DBX2: variants seen among roughly 807,000 people sequenced by gnomAD.
The protein encoded by DBX2 is developing brain homeobox 2, also known as homeobox protein DBX2.
In DBX2, 16 loss-of-function variants were observed where a neutral mutation model predicts 17.7. That is an observed-to-expected ratio of 0.90 (90% CI 0.61 to 1.37). The LOEUF (loss-of-function observed/expected upper bound fraction) is 1.37, where lower values mean the gene tolerates loss of function less well. Among genes scored for constraint, DBX2 ranks in the 40% most tolerant of loss-of-function variants. The pLI, the probability that DBX2 is intolerant of heterozygous loss-of-function variation, is 0.00. For synonymous variants in DBX2, 255 were observed against 183.8 expected, an observed-to-expected ratio of 1.39 and a Z score of -3.13; for missense variants, 538 against 433.8, an observed-to-expected ratio of 1.24 and a Z score of -2.13.
chr12:45,031,191 A>AGTGT (rs113442613), intron 2 of DBX2, among the ~76,000 whole-genome samples: 1,035 of 99,276 alleles, frequency 0.01, 12 homozygotes, highest in African/African-American at 0.033. Context: ...CTTATTTTCA[A>AGTGT]GTGTGTGTGT....
At chr12:45,045,879 A>T (rs1592760271) in intron 1 of DBX2, among the ~76,000 whole-genome samples, 1 of 152,208 alleles carries the variant, frequency 6.6e-6, no homozygotes, top group Non-Finnish European at 1.5e-5. Flanking sequence ...GTTTAATTCT[A>T]TGTAAGTCCA....
chr12:45,049,963 A>T (rs1178076919), intron 1 of DBX2, among the ~76,000 whole-genome samples: 1 of 152,166 alleles, frequency 6.6e-6, no homozygotes, highest in African/African-American at 2.4e-5. Flanking sequence ...GCCTAAAGTG[A>T]TCCAAAATTT....
At chr12:45,027,401 T>C (rs115014292) in intron 2 of DBX2, among the ~76,000 whole-genome samples, 1,571 of 152,318 alleles carry the variant, frequency 0.01, 22 homozygotes, top group African/African-American at 0.036. Flanking sequence ...AATTAGTGGC[T>C]CTTTCCTCTG....
At chr12:45,031,223 T>TGAGAGAGAGAGAGA (rs1468770718) in intron 2 of DBX2, among the ~76,000 whole-genome samples, 16 of 44,228 alleles carry the variant, frequency 3.6e-4, no homozygotes, top group Non-Finnish European at 7.3e-4. Context: ...TGTGTGTGTG[T>TGAGAGAGAGAGAGA]GTGAGAGAGA....
At chr12:45,018,236 T>C (rs1946333645) in intron 3 of DBX2, among the ~76,000 whole-genome samples, 3 of 152,200 alleles carry the variant, frequency 2.0e-5, no homozygotes, top group Non-Finnish European at 1.5e-5. Context: ...AGACAGTTTT[T>C]TGTTTTCATT....
intron 1 of DBX2, among the ~76,000 whole-genome samples, chr12:45,045,651 T>A (rs1946495683): frequency 6.6e-6 from 1 of 152,214 alleles, no homozygotes; most frequent in Non-Finnish European, 1.5e-5. Flanking sequence ...GGTTCCAATA[T>A]CTGAACCACA....
chr12:45,039,276 GGTATAT>G (rs1395207305), intron 1 of DBX2, among the ~76,000 whole-genome samples: 9 of 66,420 alleles, frequency 1.4e-4, no homozygotes, highest in African/African-American at 5.8e-4. Flanking sequence ...CTGCATTGAA[GGTATAT>G]ATATATATAT....
chr12:45,043,108 C>T (rs746669538), intron 1 of DBX2, among the ~76,000 whole-genome samples: 2 of 152,206 alleles, frequency 1.3e-5, no homozygotes, highest in African/African-American at 2.4e-5. Context: ...CATTGGTCTA[C>T]TCCAGCAGAA....
In DBX2 at chr12:45,044,865, A is replaced by G. The variant is rs75497576; in HGVS notation, c.403+5660T>C. Among the ~76,000 whole-genome samples the G allele has an allele frequency of 2.0e-3, 302 of 152,258 alleles. 2 individuals are homozygous for G. The highest frequency in any genetic ancestry group is 6.8e-3 in the Middle Eastern group (2 of 294). On this transcript the variant is annotated intron_variant, in intron 1 of 3. Transcript: ENST00000332700. ...AGCTATGGTAACTTTATATAGAGTG[A>G]TGGATCACTCAGCATTGCCAAGTTA... is the stretch of plus-strand genomic sequence containing the variant.
At chr12:45,049,963 A>C (rs1178076919) in intron 1 of DBX2, among the ~76,000 whole-genome samples, 1 of 152,048 alleles carries the variant, frequency 6.6e-6, no homozygotes, top group African/African-American at 2.4e-5. Context: ...GCCTAAAGTG[A>C]TCCAAAATTT....
At chr12:45,046,222 G>A (rs1410868804) in intron 1 of DBX2, among the ~76,000 whole-genome samples, 4 of 152,162 alleles carry the variant, frequency 2.6e-5, no homozygotes, top group African/African-American at 7.2e-5. Context: ...GATTACTCAT[G>A]AACTAGGTAA....
chr12:45,050,784 GC>G lies in DBX2; in HGVS notation c.143del (p.Gly48AlafsTer36). On this transcript the variant is annotated frameshift_variant, in exon 1 of 4. Transcript: ENST00000332700. LOFTEE classifies it high-confidence loss of function. ...GCGGCTGCAGCCTGGGCGTTGGGGC[GC>G]CCCCGACCCGCAGCAAATTCTCGAT... is the stretch of plus-strand genomic sequence containing the variant. ...FLIENLLRVG[G>X]APTPRLQPPA... 5.3e-6 allele frequency: 8 copies of G among 1,519,712 alleles called. No individual in the cohort carries two copies. Among genetic ancestry groups the G allele is most frequent in the East Asian group, 2.7e-5 (1 of 36,966 alleles). 94.1% of individuals were successfully genotyped at this position (1,519,712 alleles called of 1,614,324 possible).
At position 45,036,091 on chromosome 12, in the gene DBX2, T is replaced by G. The variant is rs756176101; in HGVS notation, c.427A>C (p.Ser143Arg). ...CACGCCGAGTAGAATGGCGGGGTGC[T>G]CAGAAGGAAAGGTTTGGAAGGTGCT... ...APAPSKPFLLSTPPFYSACCG... is the reference protein window; with the variant it reads ...APAPSKPFLLRTPPFYSACCG... The change falls in exon 2 of 4, where the codon AGC becomes CGC. Residue 143 changes from serine to arginine, a missense_variant. Physicochemically the swap from Ser to Arg is moderately radical, Grantham distance 110 (BLOSUM62 -1). Coordinates refer to ENST00000332700, the MANE Select transcript of DBX2 (RefSeq NM_001004329.3). 6 of 1,613,058 alleles carry G rather than the reference T, an allele frequency of 3.7e-6. No individual in the cohort carries two copies. In the African/African-American group the frequency reaches 8.0e-5, roughly 22 times the overall value.
chr12:45,037,483 C>T (rs1335627316), intron 1 of DBX2, among the ~76,000 whole-genome samples: 18 of 152,104 alleles, frequency 1.2e-4, no homozygotes, highest in Admixed American at 1.2e-3. Flanking sequence ...CCTGACCCAT[C>T]CTAAAACATG....
chr12:45,016,460 G>A lies in DBX2; in HGVS notation c.846C>T (p.Val282=), dbSNP rs757912540. ...ATCTTGGACTTGAGTGCTGTTGGGG[G>A]ACGTCCCATATTGAAGGACATGGAG... ...FPSPCPSIWD[V]PQQHSSPRWR... is the part of the protein sequence containing the mutation. The change falls in exon 4 of 4, where the codon GTC becomes GTT. Residue 282 remains valine, a synonymous_variant. Coordinates refer to ENST00000332700, the MANE Select transcript of DBX2 (RefSeq NM_001004329.3). 2 of 1,613,826 alleles carry A rather than the reference G, an allele frequency of 1.2e-6. No individual in the cohort carries two copies. The highest frequency in any genetic ancestry group is 2.7e-5 in the African/African-American group (2 of 74,892).
chr12:45,032,922 T>C (rs891815087), intron 2 of DBX2, among the ~76,000 whole-genome samples: 1 of 152,226 alleles, frequency 6.6e-6, no homozygotes, highest in Non-Finnish European at 1.5e-5. Context: ...AACTTTCCAT[T>C]TCATGTTATT....
intron 2 of DBX2, among the ~76,000 whole-genome samples, chr12:45,027,562 G>A (rs149909029): frequency 0.014 from 2,090 of 152,220 alleles, 23 homozygotes; most frequent in South Asian, 0.028. Context: ...TTAAAGATGA[G>A]GACGATGAAG....
At position 45,039,277 on chromosome 12, in the gene DBX2, GTATATATATATATATATATATATATA is replaced by G. The variant is rs58371508; in HGVS notation, c.404-3189_404-3164del. Among the ~76,000 whole-genome samples, 91 of 90,288 alleles carry G rather than the reference GTATATATATATATATATATATATATA, an allele frequency of 1.0e-3. 1 individual carries two copies. The highest frequency in any genetic ancestry group is 3.5e-3 in the East Asian group (12 of 3,410). The allele number at this position is 90,288 out of a possible 152,430, so 59.2% of individuals were successfully genotyped here. A position where few individuals can be genotyped will look rare whatever the true frequency, so the allele number is the denominator to read the frequency against. On this transcript the variant is annotated intron_variant, in intron 1 of 3. Coordinates refer to ENST00000332700, the MANE Select transcript of DBX2 (RefSeq NM_001004329.3). ...TTTAAAACAATGCACTGCATTGAAGGTATATATATATATATATATATATATATATATATATATATATATATGTATCA... is the reference window on the plus strand; with the variant it reads ...TTTAAAACAATGCACTGCATTGAAGGTATATATATATATATATATGTATCA...
chr12:45,047,208 C>G (rs181848082), intron 1 of DBX2, among the ~76,000 whole-genome samples: 9 of 152,208 alleles, frequency 5.9e-5, no homozygotes, highest in Non-Finnish European at 1.2e-4. Flanking sequence ...ATATTTTAAT[C>G]AGGCATAATA....
Sources: allele counts gnomAD v4.1 joint callset (sites outside exome capture counted in the v4.1 genomes callset), GRCh38; gene constraint gnomAD v4.1.1; transcripts MANE v1.5; gene names NCBI Gene and HGNC (gene_info 2026-07-23, HGNC 2026-07-21).